FCHSD2: variants seen among roughly 807,000 people sequenced by gnomAD.
The protein encoded by FCHSD2 is FCH and double SH3 domains 2, also known as F-BAR and double SH3 domains protein 2.
A neutral mutation model predicts 108.1 loss-of-function variants in FCHSD2; 38 were observed. The ratio of observed to expected loss-of-function variants is 0.35; its 90% CI spans 0.27 to 0.46. The LOEUF (loss-of-function observed/expected upper bound fraction) is 0.46, where lower values mean the gene tolerates loss of function less well. FCHSD2 is among the 20% of genes least tolerant of loss of function. The pLI is 1.00. For synonymous variants in FCHSD2, 279 were observed against 314.7 expected, an observed-to-expected ratio of 0.89 and a Z score of 1.20; for missense variants, 751 against 897.8, an observed-to-expected ratio of 0.84 and a Z score of 2.09.
At chr11:73,077,028 T>A (rs377216154) in intron 3 of FCHSD2, among the ~76,000 whole-genome samples, 16 of 142,538 alleles carry the variant, frequency 1.1e-4, no homozygotes, top group African/African-American at 3.9e-4. Flanking sequence ...GAGAATGGCA[T>A]GAACCCGGGA....
intron 3 of FCHSD2, among the ~76,000 whole-genome samples, chr11:73,044,806 C>T (rs1437254868): frequency 1.3e-5 from 2 of 152,186 alleles, no homozygotes; most frequent in African/African-American, 4.8e-5. Context: ...CACAGTGGCT[C>T]ACGCCTGTAA....
chr11:72,996,341 T>C (rs931935798), intron 5 of FCHSD2, among the ~76,000 whole-genome samples: 5 of 152,238 alleles, frequency 3.3e-5, no homozygotes, highest in South Asian at 2.1e-4. Flanking sequence ...ATAATGGATA[T>C]GGCAGCAGTT....
At chr11:72,902,751 C>A in intron 9 of FCHSD2, 113 bp from the exon 10 acceptor site, 1 of 620,480 alleles carries the variant, frequency 1.6e-6, no homozygotes, top group Non-Finnish European at 2.7e-6. Context: ...AATCATCCAA[C>A]ACTGTGGTAA....
chr11:73,027,835 C>A (rs1416709000), intron 3 of FCHSD2, among the ~76,000 whole-genome samples: 1 of 152,250 alleles, frequency 6.6e-6, no homozygotes. Flanking sequence ...CCAGCCGTGG[C>A]TAAAAGGGGC....
intron 12 of FCHSD2, among the ~76,000 whole-genome samples, chr11:72,873,051 C>T (rs1162928934): frequency 1.4e-4 from 21 of 152,008 alleles, no homozygotes; most frequent in Admixed American, 1.4e-3. Flanking sequence ...AATCTTAGGC[C>T]AGGCACGGTG....
rs964512730 is a variant in FCHSD2 at position 72,901,633 on chromosome 11, A to C, written c.924+910T>G. Among the ~76,000 whole-genome samples, 4 of 152,032 alleles carry C rather than the reference A, an allele frequency of 2.6e-5. 1 individual carries two copies. On this transcript the variant is annotated intron_variant, in intron 10 of 19. Transcript: ENST00000409418. ...TAGTAAGTGACAGTGAATCAATCTCACACTTTAACTATGGTTAAAAATGGT... is the reference window on the plus strand; with the variant it reads ...TAGTAAGTGACAGTGAATCAATCTCCCACTTTAACTATGGTTAAAAATGGT...
rs1371782486 is a variant in FCHSD2 at position 73,114,498 on chromosome 11, G to A, written c.119+25533C>T. Among the ~76,000 whole-genome samples the A allele has an allele frequency of 2.0e-5, 3 of 152,058 alleles. No homozygotes were observed. The East Asian group carries it at 5.8e-4, about 29-fold the overall frequency. On this transcript the variant is annotated intron_variant, in intron 2 of 19. Coordinates refer to ENST00000409418, the MANE Select transcript of FCHSD2 (RefSeq NM_014824.3). ...CTTTTCCCTCCCCTTTTCTCAAGCAGGAGTTTCTCACTGTAGCCACCATAG... is the reference window on the plus strand; with the variant it reads ...CTTTTCCCTCCCCTTTTCTCAAGCAAGAGTTTCTCACTGTAGCCACCATAG...
At chr11:73,123,038 T>G (rs1762356821) in intron 2 of FCHSD2, among the ~76,000 whole-genome samples, 1 of 152,056 alleles carries the variant, frequency 6.6e-6, no homozygotes, top group African/African-American at 2.4e-5. Context: ...ACAAAATAAT[T>G]AATTTTAAAA....
At chr11:72,899,997 G>A (rs2135269141) in intron 10 of FCHSD2, among the ~76,000 whole-genome samples, 1 of 152,256 alleles carries the variant, frequency 6.6e-6, no homozygotes, top group African/African-American at 2.4e-5. Context: ...ATAAAGACAA[G>A]ATTAGCTCTA....
chr11:73,079,221 C>T (rs1404001335), intron 3 of FCHSD2, among the ~76,000 whole-genome samples: 1 of 147,422 alleles, frequency 6.8e-6, no homozygotes, highest in Non-Finnish European at 1.5e-5. Flanking sequence ...TTTTTTGAGA[C>T]AGTCTTGCTC....
intron 8 of FCHSD2, among the ~76,000 whole-genome samples, chr11:72,981,009 A>G (rs1857205695): frequency 6.6e-6 from 1 of 152,162 alleles, no homozygotes; most frequent in South Asian, 2.1e-4. Flanking sequence ...AGAAAAACAG[A>G]TATTTTCAAG....
chr11:73,104,818 A>G (rs1860303786), intron 2 of FCHSD2, among the ~76,000 whole-genome samples: 1 of 152,166 alleles, frequency 6.6e-6, no homozygotes, highest in Non-Finnish European at 1.5e-5. Flanking sequence ...CCGGCCTCCC[A>G]AAGTGCTGGG....
chr11:72,913,659 G>C (rs1306761845), intron 9 of FCHSD2, among the ~76,000 whole-genome samples: 1 of 152,038 alleles, frequency 6.6e-6, no homozygotes, highest in East Asian at 1.9e-4. Context: ...TGTGGTATTG[G>C]TTGTAATGTC....
At chr11:72,944,477 T>C (rs1180182515) in intron 8 of FCHSD2, among the ~76,000 whole-genome samples, 1 of 152,176 alleles carries the variant, frequency 6.6e-6, no homozygotes, top group Non-Finnish European at 1.5e-5. Context: ...GCATTCCCTT[T>C]GAAAACTGGC....
chr11:73,024,849 T>A (rs932819632), intron 3 of FCHSD2, among the ~76,000 whole-genome samples: 14 of 152,066 alleles, frequency 9.2e-5, no homozygotes, highest in African/African-American at 3.4e-4. Context: ...CAGACGCTTT[T>A]CAAAAACAGA....
rs896233655 is a variant in FCHSD2 at position 73,051,585 on chromosome 11, CA to C, written c.165+32109del. Among the ~76,000 whole-genome samples, 73 of 152,012 alleles carry C rather than the reference CA, an allele frequency of 4.8e-4. 1 individual carries two copies. The highest frequency in any genetic ancestry group is 1.7e-3 in the African/African-American group (72 of 41,468). ...AAAGTAATTTCAAAGAAATAAAGAC[CA>C]ACGACTTTATACTATTTTACACAAA... On this transcript the variant is annotated intron_variant, in intron 3 of 19. Coordinates refer to ENST00000409418, the MANE Select transcript of FCHSD2 (RefSeq NM_014824.3).
chr11:72,855,030 T>C (rs1268938248), intron 13 of FCHSD2, among the ~76,000 whole-genome samples: 1 of 152,082 alleles, frequency 6.6e-6, no homozygotes, highest in East Asian at 1.9e-4. Flanking sequence ...TCCCTGCACT[T>C]TGGGAGGCCG....
At chr11:73,055,734 G>A (rs1859010445) in intron 3 of FCHSD2, among the ~76,000 whole-genome samples, 1 of 152,120 alleles carries the variant, frequency 6.6e-6, no homozygotes, top group Non-Finnish European at 1.5e-5. Context: ...AATCTGTAGA[G>A]TAGAAAAGCA....
At chr11:73,097,615 C>CT (rs200159157) in intron 2 of FCHSD2, among the ~76,000 whole-genome samples, 1,258 of 95,278 alleles carry the variant, frequency 0.013, 24 homozygotes, top group East Asian at 0.11. Context: ...GTGAGGTGTT[C>CT]TTTTTTTTTT....
Sources: allele counts gnomAD v4.1 joint callset (sites outside exome capture counted in the v4.1 genomes callset), GRCh38; gene constraint gnomAD v4.1.1; transcripts MANE v1.5; gene names NCBI Gene and HGNC (gene_info 2026-07-23, HGNC 2026-07-21).